Variants in ARSL observed in about 807,000 individuals in gnomAD.
ARSL encodes the protein arylsulfatase E (chondrodysplasia punctata 1).
A neutral mutation model predicts 31.1 loss-of-function variants in ARSL; 4 were observed. That is an observed-to-expected ratio of 0.13 (90% CI 0.06 to 0.29). ARSL has a LOEUF of 0.29. Ranked by LOEUF, ARSL falls within the 10% of genes least tolerant of loss-of-function variation. The pLI is 1.00. For missense variants in ARSL, 312 were observed against 497.8 expected, an observed-to-expected ratio of 0.63 and a Z score of 3.55; for synonymous variants, 198 against 209.9, an observed-to-expected ratio of 0.94 and a Z score of 0.49.
chrX:2,960,066 G>A (rs1458142216), intron 2 of ARSL, among the ~76,000 whole-genome samples: 1 of 104,368 alleles, frequency 9.6e-6, no homozygotes, highest in Non-Finnish European at 2.0e-5. Flanking sequence ...TCAGGAGATC[G>A]AGACCATCCT....
intron 1 of ARSL, among the ~76,000 whole-genome samples, chrX:2,961,216 G>C (rs2089628373): frequency 9.0e-6 from 1 of 111,568 alleles, no homozygotes; most frequent in African/African-American, 3.3e-5. Flanking sequence ...CCAAAGCACA[G>C]AGGGGCGGCC....
At chrX:2,937,507 A>G (rs994542492) in intron 9 of ARSL, among the ~76,000 whole-genome samples, 1 of 111,433 alleles carries the variant, frequency 9.0e-6, no homozygotes, top group African/African-American at 3.3e-5. Context: ...GAAGCGCGAT[A>G]AAATAATGAA....
intron 1 of ARSL, among the ~76,000 whole-genome samples, chrX:2,963,151 T>C (rs1018722844): frequency 1.8e-5 from 2 of 112,104 alleles, no homozygotes; most frequent in Non-Finnish European, 3.8e-5. Flanking sequence ...GTGAGGTTTT[T>C]TTGTTTATTT....
intron 1 of ARSL, among the ~76,000 whole-genome samples, chrX:2,961,864 T>G (rs1406901265): frequency 9.1e-6 from 1 of 109,507 alleles, no homozygotes; most frequent in African/African-American, 3.3e-5. Context: ...CAGGGTTTTT[T>G]TTTTTTTTTT....
intron 6 of ARSL, among the ~76,000 whole-genome samples, chrX:2,947,583 G>A (rs974561799): frequency 8.9e-6 from 1 of 112,270 alleles, no homozygotes; most frequent in African/African-American, 3.2e-5. Context: ...TAAGAGCAAT[G>A]GTGAAGGTGT....
At chrX:2,948,946 AGGTT>A (rs2089421906) in intron 6 of ARSL, among the ~76,000 whole-genome samples, 1 of 109,847 alleles carries the variant, frequency 9.1e-6, no homozygotes, top group Admixed American at 9.8e-5. Context: ...TTTTTGAGAC[AGGTT>A]CTCCCTGTGT....
chrX:2,944,481 A>AC (rs2089341857), intron 7 of ARSL, among the ~76,000 whole-genome samples: 1 of 109,205 alleles, frequency 9.2e-6, no homozygotes, highest in African/African-American at 3.4e-5. Flanking sequence ...AACAAAAAAA[A>AC]AAAAACAAAA....
At chrX:2,943,803 CAT>C (rs2147362816) in intron 7 of ARSL, among the ~76,000 whole-genome samples, 1 of 87,323 alleles carries the variant, frequency 1.1e-5, no homozygotes, top group Non-Finnish European at 2.2e-5. Context: ...GAGAAGAAAG[CAT>C]AGACTGAAAA....
intron 8 of ARSL, among the ~76,000 whole-genome samples, chrX:2,940,955 TAAC>T (rs1346003125): frequency 1.8e-5 from 2 of 111,034 alleles, no homozygotes; most frequent in African/African-American, 3.3e-5. Flanking sequence ...ATAAAAATAA[TAAC>T]AATAAATTTT....
chrX:2,947,532 C>T (rs1050267889), intron 6 of ARSL, among the ~76,000 whole-genome samples: 1 of 111,980 alleles, frequency 8.9e-6, no homozygotes, highest in Admixed American at 9.5e-5. Context: ...TTCTCCCTCC[C>T]TTCACCCGGC....
At chrX:2,966,856 AC>A (rs1410841458), upstream of ARSL, among the ~76,000 whole-genome samples, 1 of 110,315 alleles carries the variant, frequency 9.1e-6, no homozygotes, top group Non-Finnish European at 1.9e-5. Context: ...GTACCTATAG[AC>A]ATCTACATAC....
At chrX:2,943,584 A>G (rs1455076820) in intron 7 of ARSL, among the ~76,000 whole-genome samples, 1 of 108,273 alleles carries the variant, frequency 9.2e-6, no homozygotes, top group East Asian at 2.9e-4. Context: ...TCTACTAAAA[A>G]TACAAAAATT....
Position 2,937,983 on chromosome X carries a change from C to T in ARSL, c.1289+112G>A, listed in dbSNP as rs774849746. 1.2e-4 allele frequency: 129 copies of T among 1,077,226 alleles called. 2 individuals are homozygous for T. The South Asian group carries it at 2.0e-3, about 17-fold the overall frequency. The allele number at this position is 1,077,226 out of a possible 1,213,427, so 88.8% of individuals were successfully genotyped here. ...TAAGCAGCCCGACCCTCGGTTTGGT[C>T]GGGGAACAATTTCAGGGACGCCTTA... On this transcript the variant is annotated intron_variant, in intron 9 of 10. Transcript: ENST00000381134.
chrX:2,943,706 C>T (rs188457909), intron 7 of ARSL, among the ~76,000 whole-genome samples: 1,457 of 86,375 alleles, frequency 0.017, 8 homozygotes, highest in Middle Eastern at 0.05. Context: ...CACGCCACTG[C>T]GCTCCAGCCT....
chrX:2,951,426 A>C (rs1323825893), intron 5 of ARSL, among the ~76,000 whole-genome samples: 1 of 109,965 alleles, frequency 9.1e-6, no homozygotes, highest in East Asian at 2.8e-4. Context: ...TGCCATCTGG[A>C]AAACCTCATG....
chrX:2,938,071 T>C, intron 9 of ARSL, 24 bp downstream of exon 9: 1 of 1,211,282 alleles, frequency 8.3e-7, no homozygotes, highest in African/African-American at 1.7e-5. Context: ...CAAAGCTGAA[T>C]TGTTTCTTTG....
At chrX:2,938,422 C>A (rs2089235036) in intron 8 of ARSL, among the ~76,000 whole-genome samples, 165 bp from the exon 9 acceptor site, 1 of 112,258 alleles carries the variant, frequency 8.9e-6, no homozygotes. Flanking sequence ...TTAAAACATT[C>A]AATCTCATGT....
intron 1 of ARSL, 81 bp downstream of exon 1, chrX:2,964,143 G>C (rs2089676530): frequency 1.3e-6 from 1 of 750,752 alleles, no homozygotes; most frequent in Non-Finnish European, 1.6e-6. Flanking sequence ...AAAAGGGAAC[G>C]GGGAGCTCTT....
intron 1 of ARSL, among the ~76,000 whole-genome samples, chrX:2,962,228 CTG>C (rs757442847): frequency 1.2e-4 from 13 of 111,802 alleles, no homozygotes; most frequent in African/African-American, 3.9e-4. Context: ...CTCCTGAGGG[CTG>C]TGTCATGGGC....
Sources: allele counts gnomAD v4.1 joint callset (sites outside exome capture counted in the v4.1 genomes callset), GRCh38; gene constraint gnomAD v4.1.1; transcripts MANE v1.5; gene names NCBI Gene and HGNC (gene_info 2026-07-23, HGNC 2026-07-21).